The following NEGR1 variants were observed in gnomAD, a reference collection of about 807,000 sequenced individuals.
NEGR1 encodes IgLON family member 4.
In NEGR1, 10 loss-of-function variants were observed where a neutral mutation model predicts 40.9. That is an observed-to-expected ratio of 0.24 (90% confidence interval 0.15 to 0.42). NEGR1 has a LOEUF of 0.42. Among genes scored for constraint, NEGR1 ranks in the 10% least tolerant of loss-of-function variants. NEGR1 has a pLI of 1.00. For missense variants in NEGR1, 352 were observed against 438.9 expected (o/e 0.80, Z 1.77); for synonymous variants, 185 against 166.8 (o/e 1.11, Z -0.84).
chr1:71,695,088 C>G lies in NEGR1; in HGVS notation c.667+2920G>C, dbSNP rs527882391. ...AGCTCAGCAAAATCTAGAAGTAGCT[C>G]TCAATTTTTGACTTTAAAGGGCCAA... On this transcript the variant is annotated intron_variant, in intron 4 of 6. Transcript: ENST00000357731. Among the ~76,000 whole-genome samples, 20 of 151,860 alleles carry G rather than the reference C, an allele frequency of 1.3e-4. No individual in the cohort carries two copies. The South Asian group carries it at 3.9e-3, about 30-fold the overall frequency.
At chr1:71,687,154 T>C (rs1015235564) in intron 4 of NEGR1, among the ~76,000 whole-genome samples, 1 of 152,224 alleles carries the variant, frequency 6.6e-6, no homozygotes, top group Non-Finnish European at 1.5e-5. Flanking sequence ...AAAATGTATA[T>C]GTTTTATCTA....
At chr1:71,930,128 T>A (rs1034046918) in intron 2 of NEGR1, among the ~76,000 whole-genome samples, 9 of 152,144 alleles carry the variant, frequency 5.9e-5, no homozygotes, top group African/African-American at 2.2e-4. Context: ...GTTATTGGAA[T>A]GGCATCTTAT....
intron 1 of NEGR1, among the ~76,000 whole-genome samples, chr1:71,963,282 T>C (rs1646181953): frequency 6.6e-6 from 1 of 152,132 alleles, no homozygotes. Context: ...GTTGATCCAT[T>C]AATCAGAGCC....
chr1:71,505,355 C>G (rs1030699267), intron 6 of NEGR1, among the ~76,000 whole-genome samples: 1 of 151,888 alleles, frequency 6.6e-6, no homozygotes, highest in African/African-American at 2.4e-5. Flanking sequence ...TATCTTGGCT[C>G]ACTGCAAGCT....
At chr1:72,217,788 T>C (rs6698979) in intron 1 of NEGR1, among the ~76,000 whole-genome samples, 31,311 of 151,640 alleles carry the variant, frequency 0.21, 3,737 homozygotes, top group South Asian at 0.28. Flanking sequence ...TTATAAAACT[T>C]TTATGATTTG....
chr1:71,633,009 A>T (rs1435341319), intron 4 of NEGR1, among the ~76,000 whole-genome samples: 1 of 152,130 alleles, frequency 6.6e-6, no homozygotes, highest in Non-Finnish European at 1.5e-5. Context: ...GTATTTTGTT[A>T]TTAAGTAGAT....
chr1:71,942,724 G>A (rs1188963508), intron 1 of NEGR1, among the ~76,000 whole-genome samples: 5 of 143,074 alleles, frequency 3.5e-5, no homozygotes, highest in Non-Finnish European at 6.1e-5. Context: ...GGATGGTCTC[G>A]ATCTCCTGAC....
intron 1 of NEGR1, among the ~76,000 whole-genome samples, chr1:72,170,490 A>C (rs1177411483): frequency 6.6e-6 from 1 of 152,190 alleles, no homozygotes; most frequent in Non-Finnish European, 1.5e-5. Context: ...TAGGTATTCA[A>C]AATGGAATCT....
intron 1 of NEGR1, among the ~76,000 whole-genome samples, chr1:71,943,241 TAC>T (rs201120267): frequency 0.037 from 5,551 of 149,422 alleles, 351 homozygotes; most frequent in African/African-American, 0.13. Flanking sequence ...TACTCACACA[TAC>T]ACACACATAC....
At chr1:71,976,839 T>A (rs890238440) in intron 1 of NEGR1, among the ~76,000 whole-genome samples, 8 of 152,180 alleles carry the variant, frequency 5.3e-5, no homozygotes, top group Non-Finnish European at 1.5e-5. Context: ...GTATTTTTAG[T>A]ATATTCTTCA....
Position 71,960,166 on chromosome 1 carries a change from A to C in NEGR1, c.177-24855T>G, listed in dbSNP as rs373468507. 4.2e-4 allele frequency among the ~76,000 whole-genome samples: 64 copies of C among 152,254 alleles called. 1 individual carries two copies. The East Asian group carries it at 0.011, about 26-fold the overall frequency. ...AGCTTAAAAAAATGGACTATAAAAC[A>C]TTTACAAACATAGCCTACTTATTGG... On this transcript the variant is annotated intron_variant, in intron 1 of 6. Coordinates refer to ENST00000357731, the MANE Select transcript of NEGR1 (RefSeq NM_173808.3).
chr1:71,688,453 T>TATATATATAAAA (rs71070895), intron 4 of NEGR1, among the ~76,000 whole-genome samples: 1 of 141,104 alleles, frequency 7.1e-6, no homozygotes, highest in African/African-American at 2.7e-5. Flanking sequence ...ATAAAAGATA[T>TATATATATAAAA]GTATATATCT....
intron 2 of NEGR1, among the ~76,000 whole-genome samples, chr1:71,781,752 T>G (rs1259418927): frequency 3.9e-5 from 6 of 152,192 alleles, no homozygotes; most frequent in African/African-American, 1.4e-4. Flanking sequence ...TCTCTGAAGT[T>G]GTAGACTCAT....
At chr1:71,748,288 A>C (rs1274623849) in intron 3 of NEGR1, among the ~76,000 whole-genome samples, 3 of 152,168 alleles carry the variant, frequency 2.0e-5, no homozygotes, top group African/African-American at 7.2e-5. Context: ...TCAGTGTTAC[A>C]AAGTTTCTTG....
At chr1:71,800,907 T>C (rs1293533502) in intron 2 of NEGR1, among the ~76,000 whole-genome samples, 1 of 152,200 alleles carries the variant, frequency 6.6e-6, no homozygotes, top group Non-Finnish European at 1.5e-5. Flanking sequence ...CTTTTCTGTT[T>C]ACTGCCTCAT....
At chr1:72,276,514 G>A (rs1656052098) in intron 1 of NEGR1, among the ~76,000 whole-genome samples, 1 of 151,892 alleles carries the variant, frequency 6.6e-6, no homozygotes, top group Admixed American at 6.6e-5. Flanking sequence ...ACATAAGAAC[G>A]TTATATATTT....
chr1:71,706,504 T>C (rs1653903687), intron 3 of NEGR1, among the ~76,000 whole-genome samples: 1 of 145,210 alleles, frequency 6.9e-6, no homozygotes, highest in South Asian at 2.2e-4. Flanking sequence ...CCAGTAGGGG[T>C]AGCCAAGAGA....
chr1:71,640,675 T>G (rs983800459), intron 4 of NEGR1, among the ~76,000 whole-genome samples: 1 of 152,014 alleles, frequency 6.6e-6, no homozygotes, highest in Non-Finnish European at 1.5e-5. Context: ...TAGAAGAACT[T>G]AAATATTCAA....
chr1:72,260,645 G>C (rs189616181), intron 1 of NEGR1, among the ~76,000 whole-genome samples: 1 of 139,848 alleles, frequency 7.2e-6, no homozygotes, highest in Admixed American at 6.8e-5. Context: ...TTTTCAAACT[G>C]ACTAACTTGC....
Sources: allele counts gnomAD v4.1 joint callset (sites outside exome capture counted in the v4.1 genomes callset), GRCh38; gene constraint gnomAD v4.1.1; transcripts MANE v1.5; gene names NCBI Gene and HGNC (gene_info 2026-07-23, HGNC 2026-07-21).